Variants in SUPT3H observed in about 807,000 individuals in gnomAD.
SUPT3H encodes transcription initiation protein SPT3 homolog.
A neutral mutation model predicts 44.3 loss-of-function variants in SUPT3H; 44 were observed. The ratio of observed to expected loss-of-function variants is 0.99; its 90% CI spans 0.78 to 1.28. The LOEUF is 1.28. Ranked by LOEUF, SUPT3H falls within the 50% of genes most tolerant of loss-of-function variation. SUPT3H has a pLI of 0.00. For missense variants in SUPT3H, 380 were observed against 387.1 expected, an observed-to-expected ratio of 0.98 and a Z score of 0.15; for synonymous variants, 124 against 125.6, an observed-to-expected ratio of 0.99 and a Z score of 0.09.
intron 2 of SUPT3H, among the ~76,000 whole-genome samples, chr6:45,118,296 C>T (rs894004605): frequency 6.6e-6 from 1 of 152,024 alleles, no homozygotes; most frequent in African/African-American, 2.4e-5. Context: ...CTACCTACTA[C>T]CACCCTGTAC....
chr6:44,857,906 T>C (rs905745686), intron 10 of SUPT3H, among the ~76,000 whole-genome samples: 4 of 152,178 alleles, frequency 2.6e-5, no homozygotes, highest in African/African-American at 9.7e-5. Flanking sequence ...AAAGACTTGT[T>C]CTCAGAACAC....
At chr6:44,968,513 G>A (rs935719260) in intron 6 of SUPT3H, among the ~76,000 whole-genome samples, 1 of 151,894 alleles carries the variant, frequency 6.6e-6, no homozygotes, top group Non-Finnish European at 1.5e-5. Context: ...CTGCTTGCTG[G>A]GTCAGTTTGT....
chr6:45,268,705 T>C (rs1048842782), intron 2 of SUPT3H, among the ~76,000 whole-genome samples: 5 of 152,074 alleles, frequency 3.3e-5, no homozygotes, highest in African/African-American at 1.2e-4. Context: ...TGTGTACACA[T>C]AGAAAACAAA....
intron 2 of SUPT3H, among the ~76,000 whole-genome samples, chr6:45,200,073 C>T (rs997659680): frequency 8.6e-5 from 13 of 150,898 alleles, no homozygotes; most frequent in African/African-American, 2.9e-4. Context: ...TTATTCTGTG[C>T]GACAGATAAA....
chr6:45,087,965 A>T (rs962833573), intron 3 of SUPT3H, among the ~76,000 whole-genome samples: 1 of 152,100 alleles, frequency 6.6e-6, no homozygotes, highest in African/African-American at 2.4e-5. Context: ...GCTGGATAAA[A>T]ATAAGTGCTT....
Position 44,941,993 on chromosome 6 carries a change from T to G in SUPT3H, c.802-9230A>C, listed in dbSNP as rs1402597. Among the ~76,000 whole-genome samples the G allele has an allele frequency of 3.9e-3, 598 of 152,192 alleles. 7 individuals are homozygous for G. Among genetic ancestry groups the G allele is most frequent in the African/African-American group, 0.014 (569 of 41,544 alleles). ...GTTCAAATTCAAGAGAATACAGACA[T>G]AGACTGGGATAATACTTTCCTCAGG... On this transcript the variant is annotated intron_variant, in intron 9 of 10. Coordinates refer to ENST00000371459, the MANE Select transcript of SUPT3H (RefSeq NM_003599.4).
chr6:45,375,658 C>T (rs1258355853), intron 1 of SUPT3H, among the ~76,000 whole-genome samples: 3 of 152,256 alleles, frequency 2.0e-5, no homozygotes, highest in Non-Finnish European at 4.4e-5. Context: ...ATCCTCTGGC[C>T]TCAGCCTCCC....
intron 2 of SUPT3H, among the ~76,000 whole-genome samples, chr6:45,259,852 T>A (rs929692146): frequency 1.3e-5 from 2 of 152,162 alleles, no homozygotes; most frequent in African/African-American, 4.8e-5. Context: ...TTGCAGTTAA[T>A]CTGATGGAAA....
intron 10 of SUPT3H, among the ~76,000 whole-genome samples, chr6:44,858,546 C>T (rs1468335640): frequency 6.6e-6 from 1 of 152,152 alleles, no homozygotes; most frequent in Non-Finnish European, 1.5e-5. Context: ...TGAAGAGTAA[C>T]TGCTAATTGA....
At chr6:45,177,602 C>A (rs1812217182) in intron 2 of SUPT3H, among the ~76,000 whole-genome samples, 1 of 151,700 alleles carries the variant, frequency 6.6e-6, no homozygotes, top group Non-Finnish European at 1.5e-5. Context: ...AGAGCAACTC[C>A]AAGACACATA....
At chr6:45,072,996 A>C (rs1700052957) in intron 3 of SUPT3H, among the ~76,000 whole-genome samples, 1 of 152,140 alleles carries the variant, frequency 6.6e-6, no homozygotes, top group African/African-American at 2.4e-5. Flanking sequence ...GTCATTTCTA[A>C]GATTTCTTGA....
intron 10 of SUPT3H, among the ~76,000 whole-genome samples, chr6:44,885,314 T>C (rs889692500): frequency 5.3e-5 from 8 of 152,056 alleles, no homozygotes; most frequent in African/African-American, 1.9e-4. Context: ...GACTGCCTCC[T>C]CAAGTGGGTC....
At chr6:45,032,238 G>C (rs1787050510) in intron 3 of SUPT3H, among the ~76,000 whole-genome samples, 1 of 152,124 alleles carries the variant, frequency 6.6e-6, no homozygotes, top group South Asian at 2.1e-4. Context: ...ATTAGATGCA[G>C]TATATGTAAA....
intron 2 of SUPT3H, among the ~76,000 whole-genome samples, chr6:45,269,896 A>G (rs1363448250): frequency 6.6e-6 from 1 of 152,104 alleles, no homozygotes; most frequent in African/African-American, 2.4e-5. Flanking sequence ...CATCACTCCA[A>G]AAACAAACCC....
intron 2 of SUPT3H, among the ~76,000 whole-genome samples, chr6:45,271,343 C>A (rs1296924878): frequency 6.6e-6 from 1 of 152,162 alleles, no homozygotes; most frequent in South Asian, 2.1e-4. Context: ...GTTTCCTGGG[C>A]CAGGCCCAGG....
intron 2 of SUPT3H, among the ~76,000 whole-genome samples, chr6:45,209,079 G>A (rs1763673415): frequency 6.6e-6 from 1 of 152,188 alleles, no homozygotes; most frequent in African/African-American, 2.4e-5. Context: ...TAAGTCTACT[G>A]TTGAGACCTA....
intron 2 of SUPT3H, among the ~76,000 whole-genome samples, chr6:45,205,329 G>A (rs1438013538): frequency 8.5e-5 from 13 of 152,078 alleles, no homozygotes; most frequent in African/African-American, 3.1e-4. Context: ...CCAGTTTTCC[G>A]AGTTTGCACT....
At chr6:45,029,345 A>G (rs1049390552) in intron 3 of SUPT3H, among the ~76,000 whole-genome samples, 37 of 141,636 alleles carry the variant, frequency 2.6e-4, no homozygotes, top group African/African-American at 4.9e-4. Flanking sequence ...TTGTATGTGT[A>G]TATATATATA....
intron 2 of SUPT3H, among the ~76,000 whole-genome samples, chr6:45,245,176 A>G (rs1018096151): frequency 1.3e-5 from 2 of 152,144 alleles, no homozygotes; most frequent in Non-Finnish European, 2.9e-5. Context: ...AAGAATATCT[A>G]TTTTGGTTAA....
Sources: allele counts gnomAD v4.1 joint callset (sites outside exome capture counted in the v4.1 genomes callset), GRCh38; gene constraint gnomAD v4.1.1; transcripts MANE v1.5; gene names NCBI Gene and HGNC (gene_info 2026-07-23, HGNC 2026-07-21).